SI: variants seen among roughly 807,000 people sequenced by gnomAD.
SI encodes the protein sucrase-isomaltase, also known as sucrase-isomaltase, intestinal.
Under a neutral mutation model 253.3 loss-of-function variants are expected in SI, and 235 were observed. The ratio of observed to expected loss-of-function variants is 0.93; its 90% CI spans 0.83 to 1.03. The LOEUF is 1.03. Ranked by LOEUF, SI falls within the 50% of genes least tolerant of loss-of-function variation. The pLI, the probability that SI is intolerant of heterozygous loss-of-function variation, is 0.00. For missense variants in SI, 2,442 were observed against 2,211.1 expected, an observed-to-expected ratio of 1.10 and a Z score of -2.09; for synonymous variants, 819 against 712.0, an observed-to-expected ratio of 1.15 and a Z score of -2.39.
Position 165,021,224 on chromosome 3 carries a change from C to T in SI, c.3254+5G>A. On this transcript the variant is annotated splice_donor_5th_base_variant and intron_variant, in intron 27 of 47. Transcript: ENST00000264382. ...TCCTTTATATCAAATAATTCAATTA[C>T]TTACATGACTCTTCCACTGCTTCTC... 1.2e-6 allele frequency: 2 copies of T among 1,608,526 alleles called. No homozygotes were observed. Among genetic ancestry groups the T allele is most frequent in the Non-Finnish European group, 1.7e-6 (2 of 1,175,784 alleles).
Position 164,994,281 on chromosome 3 carries a change from G to T in SI, c.4817C>A (p.Thr1606Asn). 1 of 1,610,964 alleles carries T rather than the reference G, an allele frequency of 6.2e-7. No homozygotes were observed. Among genetic ancestry groups the T allele is most frequent in the South Asian group, 1.1e-5 (1 of 91,042 alleles). The change falls in exon 41 of 48, where the codon ACT (threonine) becomes AAT (asparagine). Residue 1606 changes from threonine (T) to asparagine (N), a missense_variant. Thr to Asn is a moderately conservative substitution (Grantham distance 65). Transcript: ENST00000264382. The part of the protein sequence containing the change: ...QMHEIHANGG[T>N]VIRPLLHEFF... ...CTCATGCAAAAGGGGTCGGATAACA[G>T]TGCCACCATTAGCATGAATTTCATG...
At chr3:165,081,242 A>G (rs1715311421), upstream of SI, among the ~76,000 whole-genome samples, 2 of 152,016 alleles carry the variant, frequency 1.3e-5, no homozygotes, top group African/African-American at 4.8e-5. Flanking sequence ...TAAAATTTCA[A>G]TTATTAATAT....
At chr3:165,041,335 A>G (rs1031632060) in intron 17 of SI, among the ~76,000 whole-genome samples, 8 of 152,220 alleles carry the variant, frequency 5.3e-5, no homozygotes, top group African/African-American at 1.4e-4. Flanking sequence ...GTTGCCACAG[A>G]AAAAATAAAT....
At chr3:165,080,666 A>C (rs2108127096), upstream of SI, among the ~76,000 whole-genome samples, 1 of 151,984 alleles carries the variant, frequency 6.6e-6, no homozygotes, top group African/African-American at 2.4e-5. Context: ...AAAACCAAAC[A>C]CTGCATGTTC....
At chr3:165,088,678 A>G in the SI span, among the ~76,000 whole-genome samples, 398 of 152,160 alleles carry the variant, frequency 2.6e-3, no homozygotes, top group African/African-American at 9.2e-3. Flanking sequence ...ACACTTAAAA[A>G]ATAAAACAAC....
intron 25 of SI, among the ~76,000 whole-genome samples, chr3:165,028,554 A>T (rs1712048023): frequency 6.6e-6 from 1 of 151,608 alleles, no homozygotes; most frequent in Non-Finnish European, 1.5e-5. Context: ...ATAAAGCCAT[A>T]GTCACCAAAA....
At chr3:165,089,249 A>G in the SI span, among the ~76,000 whole-genome samples, 90,559 of 151,878 alleles carry the variant, frequency 0.6, 27,221 homozygotes, top group East Asian at 0.81. Context: ...AAACTAATGA[A>G]AGAGCAAATA....
At chr3:165,080,162 T>C (rs910232429), upstream of SI, among the ~76,000 whole-genome samples, 2 of 152,014 alleles carry the variant, frequency 1.3e-5, no homozygotes, top group African/African-American at 4.8e-5. Context: ...GCAACAACAT[T>C]GATAAATCTT....
intron 9 of SI, 141 bp downstream of exon 9, chr3:165,062,230 C>T (rs551624114): frequency 3.3e-6 from 2 of 613,824 alleles, no homozygotes; most frequent in South Asian, 3.8e-5. Flanking sequence ...CACCCAGCTG[C>T]ATCTTAAATA....
At chr3:165,017,107 C>T (rs931818505) in intron 31 of SI, among the ~76,000 whole-genome samples, 3 of 151,720 alleles carry the variant, frequency 2.0e-5, no homozygotes, top group African/African-American at 7.3e-5. Flanking sequence ...TTGAGTGAAT[C>T]TCTATTATAT....
intron 2 of SI, 92 bp downstream of exon 2, chr3:165,075,803 A>G (rs1714922129): frequency 3.7e-6 from 3 of 814,434 alleles, no homozygotes; most frequent in African/African-American, 3.4e-5. Context: ...GTTTCATCTT[A>G]CACAGATTAT....
intron 47 of SI, among the ~76,000 whole-genome samples, chr3:164,981,306 A>G (rs1717179291): frequency 1.3e-5 from 2 of 152,100 alleles, no homozygotes; most frequent in Non-Finnish European, 2.9e-5. Flanking sequence ...CAGCAGTAGC[A>G]GTAGGATGGG....
At chr3:165,088,204 G>T in the SI span, among the ~76,000 whole-genome samples, 3 of 151,828 alleles carry the variant, frequency 2.0e-5, no homozygotes, top group Non-Finnish European at 4.4e-5. Flanking sequence ...AAATTAGTTG[G>T]GCATGGTGGC....
At position 165,016,023 on chromosome 3, in the gene SI, C is replaced by G; in HGVS notation, c.3817G>C (p.Glu1273Gln). The change falls in exon 32 of 48, where the codon GAA becomes CAA. Residue 1273 changes from glutamate to glutamine, a missense_variant. Transcript: ENST00000264382. Reference sequence around the variant, plus strand: ...AACTGAGGAAGGTCCTGGAATGCTTCACCAATTGTAAAGTCTAGCTGCCTT... The same window carrying G: ...AACTGAGGAAGGTCCTGGAATGCTTGACCAATTGTAAAGTCTAGCTGCCTT... ...MERQLDFTIG[E>Q]AFQDLPQFVD... The G allele has an allele frequency of 6.2e-7, 1 of 1,612,142 alleles. No individual in the cohort carries two copies. Among genetic ancestry groups the G allele is most frequent in the East Asian group, 2.2e-5 (1 of 44,770 alleles).
rs191967987 is a variant in SI, at chr3:165,038,110, T to C, written c.2302-86A>G. 2.3e-5 allele frequency: 28 copies of C among 1,242,992 alleles called. No homozygotes were observed. In the Admixed American group the frequency reaches 3.7e-4, roughly 16 times the overall value. 77.0% of individuals were successfully genotyped at this position (1,242,992 alleles called of 1,614,324 possible). A position where few individuals can be genotyped will look rare whatever the true frequency, so the allele number is the denominator to read the frequency against. Reference sequence around the variant, plus strand: ...CAAGAATTAAAAGGCATTTTTATTATGAGCAATTCATGTCATCCAAATGAA... The same window carrying C: ...CAAGAATTAAAAGGCATTTTTATTACGAGCAATTCATGTCATCCAAATGAA... On this transcript the variant is annotated intron_variant, in intron 20 of 47. Coordinates refer to ENST00000264382, the MANE Select transcript of SI (RefSeq NM_001041.4).
At chr3:165,004,530 G>T (rs577552604) in intron 37 of SI, among the ~76,000 whole-genome samples, 6 of 152,190 alleles carry the variant, frequency 3.9e-5, no homozygotes, top group Non-Finnish European at 7.4e-5. Flanking sequence ...AGCCAAGTTT[G>T]GAAGCACCTT....
intron 9 of SI, among the ~76,000 whole-genome samples, chr3:165,060,827 T>TTA (rs1237970949): frequency 4.1e-5 from 6 of 146,576 alleles, no homozygotes; most frequent in East Asian, 2.0e-4. Flanking sequence ...CATATATATA[T>TTA]TATATATATA....
intron 28 of SI, 60 bp downstream of exon 28, chr3:165,019,542 G>T: frequency 6.9e-7 from 1 of 1,455,168 alleles, no homozygotes; most frequent in Non-Finnish European, 9.6e-7. Context: ...ATAAAGAAGT[G>T]GCTTGGATTC....
intron 20 of SI, among the ~76,000 whole-genome samples, chr3:165,038,787 C>G (rs1712669248): frequency 6.6e-6 from 1 of 151,900 alleles, no homozygotes; most frequent in South Asian, 2.1e-4. Context: ...AGTTGCCACT[C>G]CTTCCTAAAT....
Sources: allele counts gnomAD v4.1 joint callset (sites outside exome capture counted in the v4.1 genomes callset), GRCh38; gene constraint gnomAD v4.1.1; transcripts MANE v1.5; gene names NCBI Gene and HGNC (gene_info 2026-07-23, HGNC 2026-07-21).